Variants in KLF8 observed in about 807,000 individuals in gnomAD.
KLF8 encodes the protein KLF transcription factor 8.
A neutral mutation model predicts 18.2 loss-of-function variants in KLF8; 10 were observed. That is an observed-to-expected ratio of 0.55 (90% confidence interval 0.34 to 0.93). The LOEUF (loss-of-function observed/expected upper bound fraction) is 0.93. Among genes scored for constraint, KLF8 ranks in the 40% least tolerant of loss-of-function variants. The probability of loss-of-function intolerance (pLI) is 0.02; values close to 1 mark genes in which losing one functional copy is unlikely to be tolerated. For missense variants in KLF8, 264 were observed against 277.9 expected (o/e 0.95, Z 0.36); for synonymous variants, 109 against 97.3 (o/e 1.12, Z -0.71).
the KLF8 span, among the ~76,000 whole-genome samples, chrX:55,990,167 T>C: frequency 8.9e-6 from 1 of 112,132 alleles, no homozygotes; most frequent in African/African-American, 3.2e-5. Context: ...CCTGGATTCA[T>C]TGATTTTTTG....
chrX:55,938,185 G>C, the KLF8 span, among the ~76,000 whole-genome samples: 1 of 111,973 alleles, frequency 8.9e-6, no homozygotes, highest in African/African-American at 3.2e-5. Flanking sequence ...CTCGGCAGAA[G>C]CTCTACAAGC....
chrX:56,084,610 AAAGTG>A, the KLF8 span, among the ~76,000 whole-genome samples: 2 of 111,865 alleles, frequency 1.8e-5, no homozygotes, highest in African/African-American at 6.5e-5. Context: ...TAAACTAAAT[AAAGTG>A]ATCTTTGTTT....
chrX:56,158,830 A>G, the KLF8 span, among the ~76,000 whole-genome samples: 1 of 111,882 alleles, frequency 8.9e-6, no homozygotes, highest in African/African-American at 3.2e-5. Flanking sequence ...TGTCAACTGC[A>G]AACAGGGACA....
chrX:56,222,525 G>C, the KLF8 span, among the ~76,000 whole-genome samples: 1 of 112,706 alleles, frequency 8.9e-6, no homozygotes, highest in Non-Finnish European at 1.9e-5. Flanking sequence ...CTAGACTCAG[G>C]AGCCCAGCTG....
chrX:56,033,577 A>T, the KLF8 span, among the ~76,000 whole-genome samples: 21,989 of 111,411 alleles, frequency 0.2, 4,299 homozygotes, highest in African/African-American at 0.61. Flanking sequence ...TTTTTAGTTT[A>T]TTGAGGAACC....
At chrX:56,135,052 CA>C in the KLF8 span, among the ~76,000 whole-genome samples, 1 of 111,416 alleles carries the variant, frequency 9.0e-6, no homozygotes, top group Non-Finnish European at 1.9e-5. Flanking sequence ...CAGGAAACAA[CA>C]GGTGCTGGAG....
upstream of KLF8, among the ~76,000 whole-genome samples, chrX:56,229,357 G>A (rs1411543798): frequency 8.9e-6 from 1 of 112,180 alleles, no homozygotes; most frequent in African/African-American, 3.2e-5. Flanking sequence ...GGAAAGCACA[G>A]GCTGCTTCTT....
the KLF8 span, among the ~76,000 whole-genome samples, chrX:56,034,286 G>A: frequency 8.2e-4 from 92 of 111,796 alleles, no homozygotes; most frequent in Middle Eastern, 9.2e-3. Context: ...TTTTCCCATT[G>A]TATATTATTG....
At chrX:55,918,980 C>T in the KLF8 span, among the ~76,000 whole-genome samples, 1 of 112,147 alleles carries the variant, frequency 8.9e-6, no homozygotes, top group Non-Finnish European at 1.9e-5. Context: ...ATGCCCTTCC[C>T]ATGGGCAAAA....
chrX:56,218,101 T>C, the KLF8 span, among the ~76,000 whole-genome samples: 1 of 111,757 alleles, frequency 8.9e-6, no homozygotes, highest in Non-Finnish European at 1.9e-5. Flanking sequence ...GGAAAACCTG[T>C]ACCTGTGCCT....
chrX:56,199,044 A>G, the KLF8 span, among the ~76,000 whole-genome samples: 1 of 112,064 alleles, frequency 8.9e-6, no homozygotes, highest in African/African-American at 3.2e-5. Flanking sequence ...CATATGTAGA[A>G]AGCTGAAACT....
chrX:56,173,257 A>G, the KLF8 span, among the ~76,000 whole-genome samples: 1 of 111,818 alleles, frequency 8.9e-6, no homozygotes, highest in Admixed American at 9.6e-5. Context: ...TCTTTAATCC[A>G]TCTTGAATTA....
At chrX:56,057,173 G>T in the KLF8 span, among the ~76,000 whole-genome samples, 5 of 111,786 alleles carry the variant, frequency 4.5e-5, no homozygotes, top group Non-Finnish European at 9.4e-5. Context: ...GGGGGCGTAG[G>T]TCTGTGTGCA....
chrX:56,268,829 C>A, intron 3 of KLF8: 1 of 824,376 alleles, frequency 1.2e-6, no homozygotes, highest in Non-Finnish European at 1.5e-6. Flanking sequence ...CAGCTTCTCC[C>A]AACATAGGTG....
At chrX:56,113,306 T>G in the KLF8 span, among the ~76,000 whole-genome samples, 55,301 of 103,819 alleles carry the variant, frequency 0.53, 13,309 homozygotes, top group Non-Finnish European at 0.73. Context: ...ACTTTCATGG[T>G]TTTTTTTTTT....
the KLF8 span, among the ~76,000 whole-genome samples, chrX:56,155,382 T>A: frequency 1.8e-5 from 2 of 110,761 alleles, no homozygotes; most frequent in African/African-American, 3.3e-5. Context: ...ACATGTTCTC[T>A]CTCATAGGTG....
chrX:56,194,444 G>A, the KLF8 span, among the ~76,000 whole-genome samples: 12 of 112,159 alleles, frequency 1.1e-4, no homozygotes, highest in Admixed American at 4.7e-4. Flanking sequence ...GACCCGCAGA[G>A]CCTTGCTCAC....
rs773090995 is a variant in KLF8 at position 56,290,961 on chromosome X, G to C, written c.*6467G>C. On this transcript the variant is annotated 3_prime_UTR_variant, in exon 6 of 6. Transcript: ENST00000468660. ...TAGAGTCGCTACAAGTAGCTGTGTTGGACATTACTTTATAACTATGCTGTA... is the reference window on the plus strand; with the variant it reads ...TAGAGTCGCTACAAGTAGCTGTGTTCGACATTACTTTATAACTATGCTGTA... 2.7e-5 allele frequency among the ~76,000 whole-genome samples: 3 copies of C among 109,919 alleles called. No individual in the cohort carries two copies. The highest frequency in any genetic ancestry group is 9.9e-5 in the African/African-American group (3 of 30,292).
chrX:56,040,372 G>T, the KLF8 span, among the ~76,000 whole-genome samples: 1 of 111,665 alleles, frequency 9.0e-6, no homozygotes, highest in Non-Finnish European at 1.9e-5. Flanking sequence ...TGTCATAGAT[G>T]ATTCTTAATA....
Sources: allele counts gnomAD v4.1 joint callset (sites outside exome capture counted in the v4.1 genomes callset), GRCh38; gene constraint gnomAD v4.1.1; transcripts MANE v1.5; gene names NCBI Gene and HGNC (gene_info 2026-07-23, HGNC 2026-07-21).